CASZ1: variants seen among roughly 807,000 people sequenced by gnomAD.
CASZ1 encodes the protein castor zinc finger 1.
Under a neutral mutation model 135.2 loss-of-function variants are expected in CASZ1, and 28 were observed. The observed-to-expected ratio is 0.21, with a 90% CI of 0.15 to 0.28. The LOEUF (loss-of-function observed/expected upper bound fraction) is 0.28. Among genes scored for constraint, CASZ1 ranks in the 10% least tolerant of loss-of-function variants. The probability of loss-of-function intolerance (pLI) is 1.00; values close to 1 mark genes in which losing one functional copy is unlikely to be tolerated. For missense variants in CASZ1, 2,161 were observed against 2,453.3 expected (o/e 0.88, Z 2.52); for synonymous variants, 1,068 against 1,073.4 (o/e 0.99, Z 0.10).
intron 1 of CASZ1, among the ~76,000 whole-genome samples, chr1:10,790,107 C>T (rs778526996): frequency 9.9e-5 from 15 of 152,152 alleles, no homozygotes; most frequent in South Asian, 2.1e-4. Context: ...CGCAGAGCGG[C>T]GTGGCAGCCA....
At chr1:10,771,071 A>G (rs1347005080) in intron 1 of CASZ1, among the ~76,000 whole-genome samples, 1 of 152,228 alleles carries the variant, frequency 6.6e-6, no homozygotes, top group Non-Finnish European at 1.5e-5. Context: ...GTCAGAGATG[A>G]AGGCAGAAGC....
chr1:10,766,087 C>G (rs1191666603), intron 1 of CASZ1, among the ~76,000 whole-genome samples: 2 of 152,126 alleles, frequency 1.3e-5, no homozygotes. Flanking sequence ...GAGACATGCT[C>G]CACCCAGAAC....
chr1:10,708,853 C>T (rs550097377), intron 2 of CASZ1, among the ~76,000 whole-genome samples: 44 of 151,380 alleles, frequency 2.9e-4, no homozygotes, highest in African/African-American at 9.9e-4. Flanking sequence ...TGGGGGCCTG[C>T]AGGCGGCTCG....
chr1:10,660,110 T>C lies in CASZ1; in HGVS notation c.932A>G (p.Lys311Arg). Residue 311 changes from lysine to arginine, a missense_variant, in exon 6 of 21, where the codon AAG (lysine) becomes AGG (arginine). Around this residue, in one of 7 missense-constraint regions of CASZ1, gnomAD observed 590 missense variants for 609.8 expected, o/e 0.97. Coordinates refer to ENST00000377022, the MANE Select transcript of CASZ1 (RefSeq NM_001079843.3). The part of the protein sequence containing the change: ...QMQNLVARAS[K>R]YDFFIQKLKT... ...CAGTTTTTGGATGAAGAAGTCGTAC[T>C]TGGAGGCCCGGGCTACCAGGTTCTG... is the stretch of plus-strand genomic sequence containing the variant. 6.2e-7 allele frequency: 1 copy of C among 1,614,178 alleles called. No individual in the cohort carries two copies. Among genetic ancestry groups the C allele is most frequent in the Non-Finnish European group, 8.5e-7 (1 of 1,180,006 alleles).
At position 10,676,982 on chromosome 1, in the gene CASZ1, A is replaced by G. The variant is rs1435900915; in HGVS notation, c.17-11411T>C. On this transcript the variant is annotated intron_variant, in intron 4 of 20. Transcript: ENST00000377022. This position sits in a 1 kb window ranked among gnomAD's most constrained non-coding sequence, Gnocchi z 4.5. The stretch of plus-strand genomic sequence containing the variant: ...AGCCAGTCAGGGGGTGCAGGGCCCC[A>G]CAGACTTCAGTGCTGCCTGGGCTCT... Among the ~76,000 whole-genome samples, 1 of 152,204 alleles carries G rather than the reference A, an allele frequency of 6.6e-6. No homozygotes were observed. Among genetic ancestry groups the G allele is most frequent in the African/African-American group, 2.4e-5 (1 of 41,436 alleles).
intron 2 of CASZ1, among the ~76,000 whole-genome samples, chr1:10,749,634 C>T (rs562411754): frequency 2.6e-5 from 4 of 152,154 alleles, no homozygotes; most frequent in South Asian, 4.2e-4. Context: ...ATGGACCAGG[C>T]GAATACGGAG....
At chr1:10,742,330 G>C (rs936108047) in intron 2 of CASZ1, among the ~76,000 whole-genome samples, 14 of 152,210 alleles carry the variant, frequency 9.2e-5, no homozygotes, top group Non-Finnish European at 1.6e-4. Flanking sequence ...TCTTCATCTA[G>C]AATTAATGCA....
Position 10,766,717 on chromosome 1 carries a change from G to A in CASZ1, c.-233-5860C>T, listed in dbSNP as rs553351303. ...CCCTGCCACAGTAGAAGAGGAAAAC[G>A]ATACTAGTTCATGTTTATTAAGCAT... On this transcript the variant is annotated intron_variant, in intron 1 of 20. Transcript: ENST00000377022. Among the ~76,000 whole-genome samples the A allele has an allele frequency of 2.0e-5, 3 of 152,332 alleles. 1 individual carries two copies. The highest frequency in any genetic ancestry group is 6.5e-5 in the Admixed American group (1 of 15,300).
In CASZ1 at chr1:10,646,018, AG is replaced by A. The variant is rs1183013145; in HGVS notation, c.3696+109del. On this transcript the variant is annotated intron_variant, in intron 17 of 20. Coordinates refer to ENST00000377022, the MANE Select transcript of CASZ1 (RefSeq NM_001079843.3). The surrounding 1 kb of genome is among the most constrained non-coding windows in gnomAD (Gnocchi z 6.4). ...TCCGGGAGGCCCATTTAAATAAGCA[AG>A]GTGTGAGAAATGGAGCCTCTGCCAG... The A allele has an allele frequency of 9.6e-7, 1 of 1,042,976 alleles. No homozygotes were observed. The highest frequency in any genetic ancestry group is 2.6e-5 in the East Asian group (1 of 38,994). The allele number at this position is 1,042,976 out of a possible 1,614,324, so 64.6% of individuals were successfully genotyped here.
intron 4 of CASZ1, among the ~76,000 whole-genome samples, chr1:10,686,814 C>A (rs566156223): frequency 6.6e-6 from 1 of 152,358 alleles, no homozygotes; most frequent in Admixed American, 6.5e-5. Flanking sequence ...GCTGCCCCTC[C>A]CCCACCCGTG....
At position 10,767,582 on chromosome 1, in the gene CASZ1, G is replaced by A. The variant is rs969217987; in HGVS notation, c.-233-6725C>T. 6.6e-6 allele frequency among the ~76,000 whole-genome samples: 1 copy of A among 152,196 alleles called. No individual in the cohort carries two copies. The highest frequency in any genetic ancestry group is 1.5e-5 in the Non-Finnish European group (1 of 68,036). On this transcript the variant is annotated intron_variant, in intron 1 of 20. Coordinates refer to ENST00000377022, the MANE Select transcript of CASZ1 (RefSeq NM_001079843.3). The surrounding 1 kb of genome is among the most constrained non-coding windows in gnomAD (Gnocchi z 4.2). ...TGGTCCACACCTGCTCGGAGACCAG[G>A]CTTGGTGGCTCAGCCCTTTCTGCCA... is the stretch of plus-strand genomic sequence containing the variant.
intron 2 of CASZ1, among the ~76,000 whole-genome samples, chr1:10,737,762 C>T (rs1391795519): frequency 6.6e-6 from 1 of 152,230 alleles, no homozygotes; most frequent in East Asian, 1.9e-4. Context: ...CCCAGCCTGT[C>T]GCCCAAAGGA....
Position 10,774,887 on chromosome 1 carries a change from G to T in CASZ1, c.-233-14030C>A, listed in dbSNP as rs745970593. ...CCACGTGTCTCCTGCAACCATCTCT[G>T]TTCCAGCTTCTCTTCCAGACTCCTC... On this transcript the variant is annotated intron_variant, in intron 1 of 20. Transcript: ENST00000377022. The surrounding 1 kb of genome is among the most constrained non-coding windows in gnomAD (Gnocchi z 4.4). Among the ~76,000 whole-genome samples the T allele has an allele frequency of 2.2e-4, 33 of 152,114 alleles. No homozygotes were observed. The highest frequency in any genetic ancestry group is 4.0e-4 in the Non-Finnish European group (27 of 68,028).
At chr1:10,641,240 T>C (rs1048184043) in intron 20 of CASZ1, among the ~76,000 whole-genome samples, 2 of 152,252 alleles carry the variant, frequency 1.3e-5, no homozygotes, top group South Asian at 2.1e-4. Context: ...GCCCAAAACC[T>C]GGTGGGTGAG....
intron 4 of CASZ1, among the ~76,000 whole-genome samples, chr1:10,677,047 C>T (rs535672033): frequency 6.6e-6 from 1 of 152,338 alleles, no homozygotes; most frequent in South Asian, 2.1e-4. Flanking sequence ...GCTTTTCTCC[C>T]CCTCTTTCCT....
chr1:10,695,563 CT>C, intron 3 of CASZ1, among the ~76,000 whole-genome samples: 2 of 92,876 alleles, frequency 2.2e-5, no homozygotes, highest in African/African-American at 4.6e-5. Context: ...ATCCCGGCTC[CT>C]CCTCCCCTCC....
chr1:10,746,350 TTAG>T (rs1056958925), intron 2 of CASZ1, among the ~76,000 whole-genome samples: 2 of 152,178 alleles, frequency 1.3e-5, no homozygotes, highest in Admixed American at 6.5e-5. Context: ...GAAACTTATT[TTAG>T]GGCAGGAGGT....
chr1:10,680,403 A>G (rs992153253), intron 4 of CASZ1, among the ~76,000 whole-genome samples: 4 of 152,132 alleles, frequency 2.6e-5, no homozygotes, highest in African/African-American at 7.2e-5. Context: ...CAGGCTCCTC[A>G]TTAGTCCTGC....
At chr1:10,749,371 C>T (rs1640106623) in intron 2 of CASZ1, among the ~76,000 whole-genome samples, 1 of 152,148 alleles carries the variant, frequency 6.6e-6, no homozygotes, top group South Asian at 2.1e-4. Flanking sequence ...CCTCAGCCTC[C>T]TGAGTAGCTA....
Sources: gnomAD v4.1 joint callset for allele counts (sites outside exome capture counted in the v4.1 genomes callset) on GRCh38, gnomAD v4.1.1 for gene constraint, gnomAD v4.1.1 regional missense constraint, Gnocchi (gnomAD v3.1) non-coding constraint, MANE v1.5 for transcripts, NCBI Gene and HGNC (gene_info 2026-07-23, HGNC 2026-07-21) for gene names.